The following LINGO2 variants were observed in gnomAD, a reference collection of about 807,000 sequenced individuals.
LINGO2 encodes the protein leucine-rich repeat and immunoglobulin-like domain-containing nogo receptor-interacting protein 2.
LINGO2 carries 14 observed loss-of-function variants against 30.6 expected under a neutral mutation model. That is an observed-to-expected ratio of 0.46 (90% CI 0.30 to 0.72). The LOEUF (loss-of-function observed/expected upper bound fraction) is 0.72. LINGO2 is among the 30% of genes least tolerant of loss of function. The probability of loss-of-function intolerance (pLI) is 0.07; values close to 1 mark genes in which losing one functional copy is unlikely to be tolerated. For synonymous variants in LINGO2, 317 were observed against 288.5 expected (o/e 1.10, Z -1.00); for missense variants, 729 against 751.7 (o/e 0.97, Z 0.35).
chr9:28,638,083 T>C (rs994698196), intron 1 of LINGO2, among the ~76,000 whole-genome samples: 2 of 152,212 alleles, frequency 1.3e-5, no homozygotes, highest in African/African-American at 4.8e-5. Flanking sequence ...GATAATCACG[T>C]GGCTTTTGTC....
chr9:28,796,590 T>C, the LINGO2 span, among the ~76,000 whole-genome samples: 1 of 152,046 alleles, frequency 6.6e-6, no homozygotes, highest in African/African-American at 2.4e-5. Flanking sequence ...TAGGAAGGTG[T>C]CAGCAATTAG....
At chr9:28,593,446 C>T (rs1188211198) in intron 1 of LINGO2, among the ~76,000 whole-genome samples, 2 of 152,080 alleles carry the variant, frequency 1.3e-5, no homozygotes, top group African/African-American at 4.8e-5. Context: ...CTCTTACTCA[C>T]TTCCAGTGAT....
At chr9:28,909,358 C>G in the LINGO2 span, among the ~76,000 whole-genome samples, 1 of 151,884 alleles carries the variant, frequency 6.6e-6, no homozygotes, top group South Asian at 2.1e-4. Flanking sequence ...ACTATTCTAT[C>G]ACTGCAATGA....
chr9:29,094,861 T>G, the LINGO2 span, among the ~76,000 whole-genome samples: 1 of 139,450 alleles, frequency 7.2e-6, no homozygotes, highest in Non-Finnish European at 1.6e-5. Flanking sequence ...TATTTCTATC[T>G]GACAGCACTG....
At chr9:28,089,681 A>G (rs1471681687) in intron 4 of LINGO2, among the ~76,000 whole-genome samples, 2 of 152,178 alleles carry the variant, frequency 1.3e-5, no homozygotes, top group Non-Finnish European at 2.9e-5. Context: ...AAACACATTC[A>G]AAAGCTAGCA....
chr9:28,684,809 G>A, the LINGO2 span, among the ~76,000 whole-genome samples: 1 of 152,062 alleles, frequency 6.6e-6, no homozygotes, highest in African/African-American at 2.4e-5. Context: ...ATGAGACACT[G>A]CACCTGGACA....
chr9:28,990,540 G>T, the LINGO2 span, among the ~76,000 whole-genome samples: 1 of 152,184 alleles, frequency 6.6e-6, no homozygotes, highest in Non-Finnish European at 1.5e-5. Flanking sequence ...CTGAGAACAG[G>T]CAGACTGCCT....
the LINGO2 span, among the ~76,000 whole-genome samples, chr9:29,162,800 C>A: frequency 6.6e-6 from 1 of 152,020 alleles, no homozygotes; most frequent in Non-Finnish European, 1.5e-5. Context: ...ATTAAAAGTG[C>A]AGCTGGAGAA....
intron 5 of LINGO2, among the ~76,000 whole-genome samples, chr9:28,002,538 A>G (rs928962938): frequency 2.0e-5 from 3 of 152,212 alleles, no homozygotes; most frequent in African/African-American, 4.8e-5. Flanking sequence ...TTTTTAAAAT[A>G]GTTCAAATCA....
At chr9:27,992,553 G>A (rs903177639) in intron 5 of LINGO2, among the ~76,000 whole-genome samples, 3 of 152,026 alleles carry the variant, frequency 2.0e-5, no homozygotes, top group South Asian at 4.1e-4. Flanking sequence ...TAATGAAGGC[G>A]AGACTAGGAT....
At chr9:28,007,968 T>C (rs1244801925) in intron 5 of LINGO2, among the ~76,000 whole-genome samples, 1 of 152,208 alleles carries the variant, frequency 6.6e-6, no homozygotes, top group Non-Finnish European at 1.5e-5. Context: ...ACAACATTCA[T>C]GTGGCATCTT....
chr9:28,367,559 G>A (rs974932867), intron 3 of LINGO2, among the ~76,000 whole-genome samples: 1 of 151,968 alleles, frequency 6.6e-6, no homozygotes, highest in African/African-American at 2.4e-5. Context: ...AAATTTGAGA[G>A]TATTGCTCCA....
At chr9:28,424,408 T>C (rs1823322153) in intron 2 of LINGO2, among the ~76,000 whole-genome samples, 1 of 152,108 alleles carries the variant, frequency 6.6e-6, no homozygotes, top group Non-Finnish European at 1.5e-5. Context: ...CCGTAGCCAA[T>C]AGCTAGACAA....
At chr9:28,086,955 G>T (rs1825932852) in intron 4 of LINGO2, among the ~76,000 whole-genome samples, 1 of 152,112 alleles carries the variant, frequency 6.6e-6, no homozygotes, top group Admixed American at 6.6e-5. Context: ...CATGACAAGA[G>T]TCTATTTTTC....
the LINGO2 span, among the ~76,000 whole-genome samples, chr9:29,170,324 T>C: frequency 6.6e-6 from 1 of 152,146 alleles, no homozygotes; most frequent in African/African-American, 2.4e-5. Context: ...CAGAGGCCAT[T>C]ATCCTAAGTG....
the LINGO2 span, among the ~76,000 whole-genome samples, chr9:28,698,396 A>G: frequency 1.3e-5 from 2 of 152,024 alleles, no homozygotes; most frequent in East Asian, 1.9e-4. Flanking sequence ...CCAAAAACTC[A>G]TGTTGTATCA....
chr9:28,467,693 G>T (rs1825369426), intron 2 of LINGO2, among the ~76,000 whole-genome samples: 1 of 151,848 alleles, frequency 6.6e-6, no homozygotes, highest in South Asian at 2.1e-4. Flanking sequence ...GTAAAAATTG[G>T]TTGATCCACT....
chr9:29,133,819 T>C, the LINGO2 span, among the ~76,000 whole-genome samples: 1 of 152,214 alleles, frequency 6.6e-6, no homozygotes, highest in Non-Finnish European at 1.5e-5. Context: ...AAAGACAGAA[T>C]TTTTTAGAGG....
the LINGO2 span, among the ~76,000 whole-genome samples, chr9:28,782,871 C>A: frequency 6.6e-6 from 1 of 152,176 alleles, no homozygotes; most frequent in East Asian, 1.9e-4. Flanking sequence ...CACACTTACA[C>A]AAACCTAAGA....
Sources: gnomAD v4.1 joint callset for allele counts (sites outside exome capture counted in the v4.1 genomes callset) on GRCh38, gnomAD v4.1.1 for gene constraint, MANE v1.5 for transcripts, NCBI Gene and HGNC (gene_info 2026-07-23, HGNC 2026-07-21) for gene names.